DCAF7: variants seen among roughly 807,000 people sequenced by gnomAD.
The protein encoded by DCAF7 is DDB1 and CUL4 associated factor 7.
DCAF7 carries 4 observed loss-of-function variants against 41.2 expected under a neutral mutation model. The observed-to-expected ratio is 0.10, with a 90% confidence interval of 0.05 to 0.22. The LOEUF (loss-of-function observed/expected upper bound fraction) is 0.22. Among genes scored for constraint, DCAF7 ranks in the 10% least tolerant of loss-of-function variants. The probability of loss-of-function intolerance (pLI) is 1.00; values close to 1 mark genes in which losing one functional copy is unlikely to be tolerated. For missense variants in DCAF7, 131 were observed against 443.2 expected (o/e 0.30, Z 6.32); for synonymous variants, 143 against 164.2 (o/e 0.87, Z 0.99).
At chr17:63,557,370 A>ACAGT (rs1749819908) in intron 1 of DCAF7, among the ~76,000 whole-genome samples, 1 of 152,086 alleles carries the variant, frequency 6.6e-6, no homozygotes, top group African/African-American at 2.4e-5. Flanking sequence ...AAGGCTGGGC[A>ACAGT]CAGTGGTTCA....
intron 4 of DCAF7, among the ~76,000 whole-genome samples, chr17:63,582,761 C>T (rs371610356): frequency 2.6e-5 from 4 of 152,256 alleles, no homozygotes; most frequent in Admixed American, 6.5e-5. Context: ...AATCCGCACC[C>T]GGCCTTCGTC....
chr17:63,580,904 C>G (rs1375764586), intron 4 of DCAF7, among the ~76,000 whole-genome samples: 1 of 152,156 alleles, frequency 6.6e-6, no homozygotes. Flanking sequence ...ATTGCATGCT[C>G]CTGGTACTCT....
intron 1 of DCAF7, among the ~76,000 whole-genome samples, chr17:63,569,271 GTAGAT>G (rs1036846116): frequency 6.6e-6 from 1 of 151,894 alleles, no homozygotes; most frequent in African/African-American, 2.4e-5. Flanking sequence ...CTTGGCCTAG[GTAGAT>G]TATTCTCCCA....
At chr17:63,552,268 A>G (rs1349847364) in intron 1 of DCAF7, 1 of 152,130 alleles carries the variant, frequency 6.6e-6, no homozygotes, top group Non-Finnish European at 1.5e-5. Flanking sequence ...AAATTTGAAC[A>G]TTTCACAGTT....
intron 1 of DCAF7, among the ~76,000 whole-genome samples, chr17:63,559,292 C>A (rs2033343306): frequency 7.1e-6 from 1 of 140,970 alleles, no homozygotes; most frequent in African/African-American, 2.7e-5. Context: ...GCCCGGGTGA[C>A]AGTGTGAGAC....
At chr17:63,570,471 G>T (rs1375715392) in intron 1 of DCAF7, among the ~76,000 whole-genome samples, 2 of 151,982 alleles carry the variant, frequency 1.3e-5, no homozygotes, top group East Asian at 3.9e-4. Flanking sequence ...GAAAAAAAAA[G>T]ATAGGAAAAA....
intron 1 of DCAF7, among the ~76,000 whole-genome samples, chr17:63,558,327 G>A (rs2033332821): frequency 6.6e-6 from 1 of 152,218 alleles, no homozygotes; most frequent in Admixed American, 6.5e-5. Context: ...ATGGAGCAAT[G>A]TCTAGGAATG....
chr17:63,578,745 G>T, intron 2 of DCAF7, 117 bp downstream of exon 2: 1 of 1,408,410 alleles, frequency 7.1e-7, no homozygotes. Context: ...TGCAGCACAG[G>T]AGAAGCAAGC....
intron 1 of DCAF7, among the ~76,000 whole-genome samples, chr17:63,555,513 A>G (rs1484474573): frequency 6.6e-6 from 1 of 152,098 alleles, no homozygotes; most frequent in Non-Finnish European, 1.5e-5. Context: ...TCATCTTGGT[A>G]TTTGCGGTAG....
chr17:63,589,385 G>A lies in DCAF7; in HGVS notation c.*213G>A. The A allele has an allele frequency of 1.5e-6, 1 of 654,928 alleles. No homozygotes were observed. The highest frequency in any genetic ancestry group is 2.7e-6 in the Non-Finnish European group (1 of 367,546). The allele number at this position is 654,928 out of a possible 1,614,324, so 40.6% of individuals were successfully genotyped here. A position where few individuals can be genotyped will look rare whatever the true frequency, so the allele number is the denominator to read the frequency against. On this transcript the variant is annotated 3_prime_UTR_variant, in exon 7 of 7. Transcript: ENST00000614556. Reference sequence around the variant, plus strand: ...CTGTGTGGCGCCTCCTCAGCCCAGGGCTGAGTTTTAAGATTTTCTCTCCTT... The same window carrying A: ...CTGTGTGGCGCCTCCTCAGCCCAGGACTGAGTTTTAAGATTTTCTCTCCTT...
chr17:63,573,373 C>T (rs1004978842), intron 1 of DCAF7: 6 of 152,080 alleles, frequency 3.9e-5, no homozygotes, highest in Admixed American at 2.0e-4. Context: ...TCCCGTTTCT[C>T]CTCCACAAAG....
intron 1 of DCAF7, among the ~76,000 whole-genome samples, chr17:63,568,492 T>A (rs146550738): frequency 6.6e-6 from 1 of 152,166 alleles, no homozygotes; most frequent in Non-Finnish European, 1.5e-5. Flanking sequence ...AAAAACACAA[T>A]TACCTTTGCA....
At chr17:63,570,083 C>T (rs901728574) in intron 1 of DCAF7, among the ~76,000 whole-genome samples, 6 of 152,146 alleles carry the variant, frequency 3.9e-5, no homozygotes, top group African/African-American at 1.4e-4. Context: ...GTGTGTACTA[C>T]AGTGGGTTAA....
chr17:63,566,884 A>G (rs2033448536), intron 1 of DCAF7, among the ~76,000 whole-genome samples: 1 of 152,190 alleles, frequency 6.6e-6, no homozygotes, highest in Non-Finnish European at 1.5e-5. Context: ...ACCGCTCTAC[A>G]GTTTGGGTGA....
At chr17:63,557,397 T>C (rs1253016302) in intron 1 of DCAF7, among the ~76,000 whole-genome samples, 1 of 152,036 alleles carries the variant, frequency 6.6e-6, no homozygotes, top group Non-Finnish European at 1.5e-5. Context: ...TAATCCCAGC[T>C]ACTTGGGACA....
At chr17:63,575,767 A>G (rs935451401) in intron 1 of DCAF7, among the ~76,000 whole-genome samples, 2 of 152,240 alleles carry the variant, frequency 1.3e-5, no homozygotes, top group Non-Finnish European at 2.9e-5. Flanking sequence ...ATATTGTAAG[A>G]TGTCAGTTCT....
chr17:63,555,992 A>G (rs906936148), intron 1 of DCAF7, among the ~76,000 whole-genome samples: 28 of 152,336 alleles, frequency 1.8e-4, no homozygotes, highest in Admixed American at 5.2e-4. Flanking sequence ...GCCAGAATTC[A>G]TCTTAAAGTT....
rs768230561 is a variant in DCAF7, at chr17:63,579,794, G to A, written c.410-31G>A. On this transcript the variant is annotated intron_variant, in intron 3 of 6. Coordinates refer to ENST00000614556, the MANE Select transcript of DCAF7 (RefSeq NM_005828.5). The stretch of plus-strand genomic sequence containing the variant: ...AAGCTTGCATGAGAACCTTGGTCCC[G>A]TCAGCCCTGACTTGCACTGGTTGTT... 23 of 1,581,474 alleles carry A rather than the reference G, an allele frequency of 1.5e-5. No homozygotes were observed. The African/African-American group carries it at 1.6e-4, about 11-fold the overall frequency.
intron 6 of DCAF7, among the ~76,000 whole-genome samples, chr17:63,586,125 C>CAAA (rs545840925): frequency 6.8e-5 from 4 of 58,424 alleles, no homozygotes; most frequent in Admixed American, 4.2e-4. Context: ...ACTCTGTCTC[C>CAAA]AAAAAAAAAA....
Sources: gnomAD v4.1 joint callset for allele counts (sites outside exome capture counted in the v4.1 genomes callset) on GRCh38, gnomAD v4.1.1 for gene constraint, MANE v1.5 for transcripts, NCBI Gene and HGNC (gene_info 2026-07-23, HGNC 2026-07-21) for gene names.